GATA4: variants seen among roughly 807,000 people sequenced by gnomAD.
GATA4 encodes the protein transcription factor GATA-4.
GATA4 carries 7 observed loss-of-function variants against 37.9 expected under a neutral mutation model. That is an observed-to-expected ratio of 0.18 (90% CI 0.11 to 0.35). The LOEUF is 0.35. Ranked by LOEUF, GATA4 falls within the 10% of genes least tolerant of loss-of-function variation. The pLI is 1.00. For missense variants in GATA4, 647 were observed against 653.0 expected, an observed-to-expected ratio of 0.99 and a Z score of 0.10; for synonymous variants, 372 against 292.6, an observed-to-expected ratio of 1.27 and a Z score of -2.77.
chr8:11,700,226 G>A (rs1158123143), upstream of GATA4, among the ~76,000 whole-genome samples: 1 of 152,220 alleles, frequency 6.6e-6, no homozygotes, highest in Non-Finnish European at 1.5e-5. Flanking sequence ...CCTCAGGGCT[G>A]GAAGCACCAG....
chr8:11,686,726 G>T (rs778782695), intron 1 of GATA4, among the ~76,000 whole-genome samples: 1 of 152,178 alleles, frequency 6.6e-6, no homozygotes, highest in Non-Finnish European at 1.5e-5. Context: ...CAGGCTGGGC[G>T]CAGTAGCTCA....
intron 1 of GATA4, among the ~76,000 whole-genome samples, chr8:11,693,794 G>A (rs1191943718): frequency 1.3e-5 from 2 of 152,138 alleles, no homozygotes; most frequent in East Asian, 3.9e-4. Flanking sequence ...CGATATGAGT[G>A]TTTGGCATCG....
In GATA4 at chr8:11,759,863, T is replaced by C. The variant is rs1802808525; in HGVS notation, c.*1388T>C. 1 of 152,650 alleles carries C rather than the reference T, an allele frequency of 6.6e-6. No homozygotes were observed. Among genetic ancestry groups the C allele is most frequent in the African/African-American group, 2.4e-5 (1 of 41,474 alleles). 9.5% of individuals were successfully genotyped at this position (152,650 alleles called of 1,614,324 possible). ...GAATACCTTTGAACCAAGATTCTGT[T>C]TTAATCATCATTTACATTGTTTTCT... On this transcript the variant is annotated 3_prime_UTR_variant, in exon 7 of 7. Coordinates refer to ENST00000532059, the MANE Select transcript of GATA4 (RefSeq NM_001308093.3).
intron 2 of GATA4, among the ~76,000 whole-genome samples, chr8:11,718,838 G>T (rs573395037): frequency 1.2e-4 from 19 of 152,276 alleles, no homozygotes; most frequent in Middle Eastern, 3.4e-3. Flanking sequence ...AATTATAATC[G>T]CAGAATAAAC....
At chr8:11,744,710 A>C (rs1801945398) in intron 2 of GATA4, among the ~76,000 whole-genome samples, 1 of 152,164 alleles carries the variant, frequency 6.6e-6, no homozygotes, top group South Asian at 2.1e-4. Context: ...GGATGGCAGG[A>C]TTTTGTGGTT....
chr8:11,748,338 G>A (rs1802130093), intron 2 of GATA4, among the ~76,000 whole-genome samples: 1 of 152,192 alleles, frequency 6.6e-6, no homozygotes, highest in Non-Finnish European at 1.5e-5. Flanking sequence ...GCTGGACTGA[G>A]TTATGACTGC....
At chr8:11,704,786 A>C (rs1181710817) in intron 1 of GATA4, among the ~76,000 whole-genome samples, 1 of 152,212 alleles carries the variant, frequency 6.6e-6, no homozygotes, top group African/African-American at 2.4e-5. Flanking sequence ...GCTGGGCCTC[A>C]GGGGCCCCCG....
rs560952275 is a variant in GATA4 at position 11,696,627 on chromosome 8, G to T, written c.-728-3881G>T. 1.4e-3 allele frequency among the ~76,000 whole-genome samples: 209 copies of T among 152,324 alleles called. 9 individuals carry two copies. The South Asian group carries it at 0.041, about 30-fold the overall frequency. Reference sequence around the variant, plus strand: ...AAGTTTAAAACACAACTTATATTTAGCTCTTCTTGTCCTGAAGCTCATTGC... The same window carrying T: ...AAGTTTAAAACACAACTTATATTTATCTCTTCTTGTCCTGAAGCTCATTGC... On this transcript the variant is annotated intron_variant, in intron 1 of 2. Coordinates refer to the GATA4 transcript ENST00000526974.
intron 1 of GATA4, chr8:11,682,969 A>G (rs1310869623): frequency 1.4e-6 from 1 of 690,570 alleles, no homozygotes; most frequent in African/African-American, 2.0e-5. Flanking sequence ...GGGTGTGGGG[A>G]CAAGATACTG....
intron 2 of GATA4, among the ~76,000 whole-genome samples, chr8:11,718,739 A>C (rs569411404): frequency 6.6e-6 from 1 of 152,224 alleles, no homozygotes. Context: ...TCTACTCCCC[A>C]GTTGAAATCT....
intron 1 of GATA4, chr8:11,694,523 C>T (rs552770416): frequency 9.1e-6 from 9 of 985,312 alleles, no homozygotes; most frequent in African/African-American, 8.7e-5. Flanking sequence ...CCTTTTGGTT[C>T]CTCTGCTGCT....
chr8:11,736,464 C>T (rs1801460986), intron 2 of GATA4, among the ~76,000 whole-genome samples: 1 of 152,246 alleles, frequency 6.6e-6, no homozygotes, highest in Non-Finnish European at 1.5e-5. Context: ...TAAGTCTGGT[C>T]TGCGTGGCTT....
rs1025080017 is a variant in GATA4, at chr8:11,709,580, G to GT, written c.616+652_616+653insT. ...TGGGCGCATCATGCGGGCAGCGGGG[G>GT]GGGGGGCGCACACGCCCGGTCAGTG... is the stretch of plus-strand genomic sequence containing the variant. On this transcript the variant is annotated intron_variant, in intron 2 of 6. Transcript: ENST00000532059. The surrounding 1 kb of genome is among the most constrained non-coding windows in gnomAD (Gnocchi z 4.3). Among the ~76,000 whole-genome samples, 5 of 152,072 alleles carry GT rather than the reference G, an allele frequency of 3.3e-5. No individual in the cohort carries two copies. Among genetic ancestry groups the GT allele is most frequent in the East Asian group, 3.9e-4 (2 of 5,166 alleles).
At chr8:11,727,736 G>T (rs1229030322) in intron 2 of GATA4, among the ~76,000 whole-genome samples, 1 of 151,958 alleles carries the variant, frequency 6.6e-6, no homozygotes, top group African/African-American at 2.4e-5. Context: ...CCCAGCTAGG[G>T]AGGCTGCGGT....
At chr8:11,688,170 C>T (rs930587706), upstream of GATA4, among the ~76,000 whole-genome samples, 1 of 152,124 alleles carries the variant, frequency 6.6e-6, no homozygotes, top group Non-Finnish European at 1.5e-5. Context: ...AATAGCAGTT[C>T]AAGAGCCCCC....
chr8:11,699,164 G>A (rs1400391547), upstream of GATA4, among the ~76,000 whole-genome samples: 1 of 151,632 alleles, frequency 6.6e-6, no homozygotes, highest in Admixed American at 6.6e-5. Context: ...GGTGTAGAAG[G>A]GAGGTGATCG....
chr8:11,746,984 T>C (rs773293619), intron 2 of GATA4, among the ~76,000 whole-genome samples: 2 of 152,210 alleles, frequency 1.3e-5, no homozygotes, highest in African/African-American at 2.4e-5. Flanking sequence ...CATCCTCTTC[T>C]CTGGCCCACA....
At chr8:11,695,993 T>C (rs1040849811) in intron 1 of GATA4, among the ~76,000 whole-genome samples, 1 of 152,204 alleles carries the variant, frequency 6.6e-6, no homozygotes, top group African/African-American at 2.4e-5. Context: ...ATATTTTAGA[T>C]GGGAGTCAAA....
chr8:11,717,803 C>A (rs1208399718), intron 2 of GATA4, among the ~76,000 whole-genome samples: 1 of 152,244 alleles, frequency 6.6e-6, no homozygotes, highest in Non-Finnish European at 1.5e-5. Flanking sequence ...CATTCCTCAA[C>A]TGTAAGCTCT....
Sources: gnomAD v4.1 joint callset for allele counts (sites outside exome capture counted in the v4.1 genomes callset) on GRCh38, gnomAD v4.1.1 for gene constraint, Gnocchi (gnomAD v3.1) non-coding constraint, MANE v1.5 for transcripts, NCBI Gene and HGNC (gene_info 2026-07-23, HGNC 2026-07-21) for gene names.